HK3: variants seen among roughly 807,000 people sequenced by gnomAD.
The protein encoded by HK3 is hexokinase-3.
Under a neutral mutation model 91.0 loss-of-function variants are expected in HK3, and 93 were observed. The ratio of observed to expected loss-of-function variants is 1.02; its 90% CI spans 0.86 to 1.21. The LOEUF is 1.21. Among genes scored for constraint, HK3 ranks in the 50% most tolerant of loss-of-function variants. HK3 has a pLI of 0.00. For missense variants in HK3, 1,235 were observed against 1,247.4 expected (o/e 0.99, Z 0.15); for synonymous variants, 519 against 516.9 (o/e 1.00, Z -0.06).
Position 176,881,789 on chromosome 5 carries a change from G to A in HK3, c.2296C>T (p.His766Tyr), listed in dbSNP as rs1433726690. 2 of 1,614,138 alleles carry A rather than the reference G, an allele frequency of 1.2e-6. No individual in the cohort carries two copies. The highest frequency in any genetic ancestry group is 1.7e-6 in the Non-Finnish European group (2 of 1,180,022). ...LGEIVRHILL[H>Y]LTSLGVLFRG... ...AAGAGAACGCCAAGGCTGGTTAAAT[G>A]TAAAAGGATGTGGCGGACGATCTCC... Residue 766 changes from histidine to tyrosine, a missense_variant, in exon 17 of 19, where the codon CAT becomes TAT. Physicochemically the swap from His to Tyr is moderately conservative, Grantham distance 83 (BLOSUM62 2). This residue lies in a region of HK3 where 513 missense variants were observed against 477.4 expected (regional missense o/e 1.07). Coordinates refer to ENST00000292432, the MANE Select transcript of HK3 (RefSeq NM_002115.3).
Position 176,889,440 on chromosome 5 carries a change from T to C in HK3, c.855A>G (p.Pro285=). 6.2e-7 allele frequency: 1 copy of C among 1,614,184 alleles called. No individual in the cohort carries two copies. Among genetic ancestry groups the C allele is most frequent in the Non-Finnish European group, 8.5e-7 (1 of 1,180,022 alleles). ...GSFSDDGALG[P]VLTTFDHTLD... ...GGGTATGGTCGAAGGTGGTCAGCACTGGTCCCAGCGCCCCATCATCGCTGA... is the reference window on the plus strand; with the variant it reads ...GGGTATGGTCGAAGGTGGTCAGCACCGGTCCCAGCGCCCCATCATCGCTGA... The change falls in exon 8 of 19, where the codon CCA becomes CCG. Residue 285 remains proline, a synonymous_variant. Coordinates refer to ENST00000292432, the MANE Select transcript of HK3 (RefSeq NM_002115.3).
At position 176,883,861 on chromosome 5, in the gene HK3, C is replaced by T. The variant is rs747036529; in HGVS notation, c.1962G>A (p.Glu654=). 1.9e-6 allele frequency: 3 copies of T among 1,613,946 alleles called. No homozygotes were observed. The highest frequency in any genetic ancestry group is 1.6e-4 in the Middle Eastern group (1 of 6,082). Residue 654 remains glutamate, a synonymous_variant, in exon 15 of 19, where the codon GAG becomes GAA. Transcript: ENST00000292432. ...CATTGACAATGGCAACCACATTCAG[C>T]TCCACTGCCTGCACACAAAAGGATG... ...REAITRRQAV[E]LNVVAIVNDT...
chr5:176,896,867 C>T (rs904343844), intron 1 of HK3, among the ~76,000 whole-genome samples: 2 of 152,126 alleles, frequency 1.3e-5, no homozygotes, highest in Non-Finnish European at 2.9e-5. Context: ...TATCTACCCT[C>T]ACAAGGTTGT....
chr5:176,887,511 C>A lies in HK3; in HGVS notation c.1540G>T (p.Gly514Trp). 1.2e-6 allele frequency: 2 copies of A among 1,613,738 alleles called. No homozygotes were observed. The highest frequency in any genetic ancestry group is 1.7e-6 in the Non-Finnish European group (2 of 1,179,958). Residue 514 changes from glycine (G) to tryptophan (W), a missense_variant, in exon 11 of 19, where the codon GGG becomes TGG. By Grantham distance (184) the Gly-to-Trp change is radical. Transcript: ENST00000292432. This position sits in a 1 kb window ranked among gnomAD's most constrained non-coding sequence, Gnocchi z 4.9. ...AGCATGCGAAGGGAGGAGGCCTCCCCTCGGAGCCCCTTGGCCATGGCCTTC... is the reference window on the plus strand; with the variant it reads ...AGCATGCGAAGGGAGGAGGCCTCCCATCGGAGCCCCTTGGCCATGGCCTTC... The part of the protein sequence containing the change: ...MRKAMAKGLR[G>W]EASSLRMLPT...
At chr5:176,889,793 G>T (rs1316814847) in intron 6 of HK3, 49 bp from the exon 7 acceptor site, 1 of 1,540,358 alleles carries the variant, frequency 6.5e-7, no homozygotes, top group Non-Finnish European at 9.0e-7. Context: ...GTGGCCAGAG[G>T]AGGGAATCCA....
Position 176,881,336 on chromosome 5 carries a change from C to G in HK3, c.2593G>C (p.Gly865Arg), listed in dbSNP as rs151132413. ...RGLEELAVSV[G>R]VDGTLYKLHP... ...AGCTTGTAGAGCGTTCCATCCACCC[C>G]CACAGACACTGCCAGCTCTTCCAGG... Residue 865 changes from glycine to arginine, a missense_variant, in exon 18 of 19, where the codon GGG becomes CGG. Transcript: ENST00000292432. The G allele has an allele frequency of 7.4e-6, 12 of 1,614,064 alleles. No homozygotes were observed. The African/African-American group carries it at 1.2e-4, about 16-fold the overall frequency.
rs377310713 is a variant in HK3, at chr5:176,887,197, G to A, written c.1737+4C>T. 280 of 1,614,016 alleles carry A rather than the reference G, an allele frequency of 1.7e-4. 3 individuals are homozygous for A. The highest frequency in any genetic ancestry group is 1.2e-3 in the Middle Eastern group (7 of 6,084). On this transcript the variant is annotated splice_donor_region_variant and intron_variant, in intron 12 of 18. Transcript: ENST00000292432. The surrounding 1 kb of genome is among the most constrained non-coding windows in gnomAD (Gnocchi z 4.9). Reference sequence around the variant, plus strand: ...TCTGACATCAAGGTTCAGGCTGTGGGTACCTGCTGCCCAGAACCCTGGGCC... The same window carrying A: ...TCTGACATCAAGGTTCAGGCTGTGGATACCTGCTGCCCAGAACCCTGGGCC...
intron 1 of HK3, among the ~76,000 whole-genome samples, chr5:176,898,305 G>A (rs1461913215): frequency 6.6e-6 from 1 of 152,144 alleles, no homozygotes; most frequent in African/African-American, 2.4e-5. Context: ...AAGGGGAGTG[G>A]GTAGTTTTTT....
chr5:176,888,994 A>C (rs1228709363), intron 8 of HK3, 130 bp from the exon 9 acceptor site: 4 of 1,043,178 alleles, frequency 3.8e-6, no homozygotes, highest in Non-Finnish European at 4.1e-6. Flanking sequence ...AGAAGCAACG[A>C]ATAGCCTCCC....
intron 1 of HK3, among the ~76,000 whole-genome samples, chr5:176,898,101 TC>T (rs1279311505): frequency 6.6e-6 from 1 of 152,002 alleles, no homozygotes; most frequent in African/African-American, 2.4e-5. Flanking sequence ...CTCCTCTGCA[TC>T]CCCTCCTCCC....
At chr5:176,888,660 T>C (rs772287799) in intron 9 of HK3, 49 bp downstream of exon 9, 7 of 1,613,238 alleles carry the variant, frequency 4.3e-6, no homozygotes, top group East Asian at 2.2e-5. Context: ...TATCATCCCC[T>C]TCCTCCAAGC....
chr5:176,890,143 G>C (rs569721211), intron 6 of HK3, among the ~76,000 whole-genome samples: 1 of 152,242 alleles, frequency 6.6e-6, no homozygotes, highest in East Asian at 1.9e-4. Context: ...TAGCCCAGAC[G>C]GATCAGCCTT....
chr5:176,891,494 T>C lies in HK3; in HGVS notation c.153A>G (p.Gln51=), dbSNP rs1404370736. 4 of 1,614,164 alleles carry C rather than the reference T, an allele frequency of 2.5e-6. No homozygotes were observed. In the South Asian group the frequency reaches 4.4e-5, roughly 18 times the overall value. ...GCTCCATGGAACCCAAGAGGCTGGC[T>C]TGGATCTGCTGTAGCTGTGCCCTTG... ...KVTRAQLQQI[Q]ASLLGSMEQA... Residue 51 remains glutamine, a synonymous_variant, in exon 3 of 19, where the codon CAA becomes CAG. Transcript: ENST00000292432.
At chr5:176,895,413 G>A (rs1025645326) in intron 2 of HK3, among the ~76,000 whole-genome samples, 1 of 152,198 alleles carries the variant, frequency 6.6e-6, no homozygotes, top group African/African-American at 2.4e-5. Flanking sequence ...CCTTCAGGGG[G>A]TGGGGAGGAT....
intron 15 of HK3, among the ~76,000 whole-genome samples, chr5:176,882,497 C>T (rs1758466256): frequency 6.6e-6 from 1 of 152,214 alleles, no homozygotes; most frequent in Non-Finnish European, 1.5e-5. Flanking sequence ...GCCTGCCAGG[C>T]CCTTAATCCA....
intron 2 of HK3, 149 bp from the exon 3 acceptor site, chr5:176,891,699 T>A: frequency 1.3e-6 from 1 of 746,160 alleles, no homozygotes; most frequent in South Asian, 1.9e-5. Context: ...TGCACCCAGC[T>A]CTGGCATCCT....
In HK3 at chr5:176,889,509, G is replaced by C; in HGVS notation, c.786C>G (p.Asp262Glu). Residue 262 changes from aspartate (D) to glutamate (E), a missense_variant, in exon 8 of 19, where the codon GAC (aspartate) becomes GAG (glutamate). By Grantham distance (45) the Asp-to-Glu change is conservative. Coordinates refer to ENST00000292432, the MANE Select transcript of HK3 (RefSeq NM_002115.3). ...TGACGCAGACGCGGCCCCGGTCTTC[G>C]TCCAGCACTGCCACATGCCGTGCCT... ...MEEARHVAVL[D>E]EDRGRVCVSV... 1 of 1,614,184 alleles carries C rather than the reference G, an allele frequency of 6.2e-7. No individual in the cohort carries two copies. The highest frequency in any genetic ancestry group is 8.5e-7 in the Non-Finnish European group (1 of 1,180,042).
At chr5:176,883,462 A>C (rs914344820) in intron 15 of HK3, among the ~76,000 whole-genome samples, 3 of 152,172 alleles carry the variant, frequency 2.0e-5, no homozygotes, top group African/African-American at 7.2e-5. Flanking sequence ...TGACTTGCCC[A>C]AGGTCATACA....
chr5:176,898,773 C>G (rs182706278), intron 1 of HK3, among the ~76,000 whole-genome samples: 1 of 152,168 alleles, frequency 6.6e-6, no homozygotes, highest in East Asian at 1.9e-4. Context: ...ATGGGCTACA[C>G]GAAGTGAGTT....
Sources: allele counts gnomAD v4.1 joint callset (sites outside exome capture counted in the v4.1 genomes callset), GRCh38; gene constraint gnomAD v4.1.1; regional missense constraint gnomAD v4.1.1; non-coding constraint Gnocchi (gnomAD v3.1); transcripts MANE v1.5; gene names NCBI Gene and HGNC (gene_info 2026-07-23, HGNC 2026-07-21).